Variants in SEMA6A observed in about 807,000 individuals in gnomAD.
The protein encoded by SEMA6A is semaphorin 6A.
A neutral mutation model predicts 96.8 loss-of-function variants in SEMA6A; 25 were observed. That is an observed-to-expected ratio of 0.26 (90% CI 0.19 to 0.36). The LOEUF is 0.36. Among genes scored for constraint, SEMA6A ranks in the 10% least tolerant of loss-of-function variants. The pLI is 1.00. For synonymous variants in SEMA6A, 612 were observed against 518.0 expected, an observed-to-expected ratio of 1.18 and a Z score of -2.46; for missense variants, 1,363 against 1,323.1, an observed-to-expected ratio of 1.03 and a Z score of -0.47.
chr5:116,473,038 C>T, intron 17 of SEMA6A, 35 bp downstream of exon 17: 1 of 1,577,560 alleles, frequency 6.3e-7, no homozygotes, highest in Non-Finnish European at 8.6e-7. Flanking sequence ...TAGGTTTCCA[C>T]CAGTATGGAA....
chr5:116,524,777 C>CACACACACAG (rs1759135529), intron 1 of SEMA6A, among the ~76,000 whole-genome samples: 1 of 148,406 alleles, frequency 6.7e-6, no homozygotes, highest in African/African-American at 2.6e-5. Flanking sequence ...TGTATACACA[C>CACACACACAG]ACACACACAC....
At chr5:116,545,332 G>T (rs1301276698) in intron 1 of SEMA6A, among the ~76,000 whole-genome samples, 1 of 152,172 alleles carries the variant, frequency 6.6e-6, no homozygotes, top group Non-Finnish European at 1.5e-5. Flanking sequence ...CACTTTGGGA[G>T]GCTGAGGTGG....
chr5:116,511,441 C>G (rs1255393003), intron 1 of SEMA6A, among the ~76,000 whole-genome samples: 5 of 152,084 alleles, frequency 3.3e-5, no homozygotes, highest in Non-Finnish European at 7.3e-5. Flanking sequence ...AGACAAAACT[C>G]AAAGCCAGGT....
intron 12 of SEMA6A, among the ~76,000 whole-genome samples, chr5:116,479,189 T>C (rs190557406): frequency 3.4e-4 from 52 of 152,338 alleles, no homozygotes; most frequent in African/African-American, 1.2e-3. Flanking sequence ...GAAAGCTTTC[T>C]GAAGGATGAG....
intron 17 of SEMA6A, 154 bp downstream of exon 17, chr5:116,472,919 T>C: frequency 6.6e-7 from 1 of 1,521,150 alleles, no homozygotes; most frequent in South Asian, 1.3e-5. Flanking sequence ...CATTATCTGG[T>C]AGAGGAGTTG....
Position 116,496,264 on chromosome 5 carries a change from T to C in SEMA6A, c.329A>G (p.Lys110Arg). ...AAAATTGCCTACCTTATGTTTTCCCTTCATTCTGCATGTGTCTACATCGGC... is the reference window on the plus strand; with the variant it reads ...AAAATTGCCTACCTTATGTTTTCCCCTCATTCTGCATGTGTCTACATCGGC... ...RQADVDTCRM[K>R]GKHKDECHNF... The change falls in exon 5 of 19, where the codon AAG becomes AGG. Residue 110 changes from lysine (K) to arginine (R), a missense_variant. Coordinates refer to ENST00000343348, the MANE Select transcript of SEMA6A (RefSeq NM_020796.5). 1 of 1,613,340 alleles carries C rather than the reference T, an allele frequency of 6.2e-7. No homozygotes were observed. Among genetic ancestry groups the C allele is most frequent in the Non-Finnish European group, 8.5e-7 (1 of 1,179,684 alleles).
chr5:116,457,248 A>G (rs140582453), intron 18 of SEMA6A, among the ~76,000 whole-genome samples: 190 of 152,312 alleles, frequency 1.2e-3, no homozygotes, highest in African/African-American at 4.2e-3. Context: ...GTCCAGTGCT[A>G]TCTATTATTT....
rs1385205115 is a variant in SEMA6A, at chr5:116,467,766, C to T, written c.1730-19G>A. On this transcript the variant is annotated intron_variant, in intron 17 of 18. Transcript: ENST00000343348. Reference sequence around the variant, plus strand: ...GAATGCCCTGTTTTCATCACAAATACAGTTAGGAAAACATCACCAGAGAGA... The same window carrying T: ...GAATGCCCTGTTTTCATCACAAATATAGTTAGGAAAACATCACCAGAGAGA... 1.9e-6 allele frequency: 3 copies of T among 1,612,642 alleles called. No individual in the cohort carries two copies. The highest frequency in any genetic ancestry group is 2.2e-5 in the East Asian group (1 of 44,812).
At chr5:116,498,515 G>A (rs1028461819) in intron 3 of SEMA6A, 4 of 151,720 alleles carry the variant, frequency 2.6e-5, no homozygotes, top group Non-Finnish European at 4.4e-5. Flanking sequence ...TAAAACGAGC[G>A]GGAAGGGCAG....
At chr5:116,449,453 GC>G in intron 18 of SEMA6A, 1 of 671,404 alleles carries the variant, frequency 1.5e-6, no homozygotes, top group Non-Finnish European at 2.7e-6. Context: ...CCCTTCCCAA[GC>G]CCACAACACG....
chr5:116,510,863 T>C (rs918600498), intron 1 of SEMA6A, among the ~76,000 whole-genome samples: 3 of 152,174 alleles, frequency 2.0e-5, no homozygotes, highest in Admixed American at 6.5e-5. Context: ...CAAAGAAATA[T>C]AATGATGTGG....
At chr5:116,516,347 C>T (rs1758667138) in intron 1 of SEMA6A, among the ~76,000 whole-genome samples, 9 of 152,112 alleles carry the variant, frequency 5.9e-5, no homozygotes, top group Admixed American at 4.6e-4. Context: ...AGAATTATAT[C>T]TTGAATTTCT....
At chr5:116,498,569 G>A (rs1214901664) in intron 3 of SEMA6A, 18 of 151,912 alleles carry the variant, frequency 1.2e-4, no homozygotes, top group African/African-American at 4.1e-4. Flanking sequence ...AGTGTGCATG[G>A]GGGGAGGGGG....
chr5:116,456,751 G>C (rs1344255060), intron 18 of SEMA6A, among the ~76,000 whole-genome samples: 1 of 152,172 alleles, frequency 6.6e-6, no homozygotes. Context: ...CTCAAGTGCA[G>C]AAGAAGCAGA....
chr5:116,545,604 G>A lies in SEMA6A; in HGVS notation c.-39+28581C>T, dbSNP rs184997009. On this transcript the variant is annotated intron_variant, in intron 1 of 18. Transcript: ENST00000343348. ...AATTGCTTCCCTCCTTTGTTCAGGTGTGCTCTGGCCGTGTTCCATCTGCGA... is the reference window on the plus strand; with the variant it reads ...AATTGCTTCCCTCCTTTGTTCAGGTATGCTCTGGCCGTGTTCCATCTGCGA... Among the ~76,000 whole-genome samples the A allele has an allele frequency of 2.4e-4, 37 of 152,268 alleles. No homozygotes were observed. The East Asian group carries it at 6.6e-3, about 27-fold the overall frequency.
intron 18 of SEMA6A, among the ~76,000 whole-genome samples, chr5:116,453,767 C>T (rs1021978374): frequency 1.3e-5 from 2 of 152,204 alleles, no homozygotes; most frequent in African/African-American, 2.4e-5. Context: ...AGCTAGTCTA[C>T]CTGCATTTAT....
rs766510756 is a variant in SEMA6A, at chr5:116,446,745, G to A, written c.2961C>T (p.Pro987=). The change falls in exon 19 of 19, where the codon CCC becomes CCT. Residue 987 remains proline, a synonymous_variant. Transcript: ENST00000343348. Reference sequence around the variant, plus strand: ...TCAGTGAGTTGTAGGCGTTGAGGCTGGGCTGCCTCGAGACAGTCACGGCCT... The same window carrying A: ...TCAGTGAGTTGTAGGCGTTGAGGCTAGGCTGCCTCGAGACAGTCACGGCCT... The part of the protein sequence containing the change: ...SGQAVTVSRQ[P]SLNAYNSLTR... The A allele has an allele frequency of 4.1e-5, 66 of 1,606,660 alleles. No individual in the cohort carries two copies. Among genetic ancestry groups the A allele is most frequent in the Admixed American group, 2.6e-4 (15 of 58,714 alleles).
intron 7 of SEMA6A, among the ~76,000 whole-genome samples, chr5:116,489,961 T>C (rs1757253549): frequency 6.6e-6 from 1 of 152,228 alleles, no homozygotes. Context: ...ATTGCAGATA[T>C]TCATTAGTTG....
intron 2 of SEMA6A, among the ~76,000 whole-genome samples, chr5:116,503,807 G>A (rs1181035933): frequency 2.6e-5 from 4 of 151,984 alleles, no homozygotes; most frequent in Non-Finnish European, 4.4e-5. Flanking sequence ...AAGCCACCGC[G>A]CCCTGCCCTG....
Sources: allele counts gnomAD v4.1 joint callset (sites outside exome capture counted in the v4.1 genomes callset), GRCh38; gene constraint gnomAD v4.1.1; transcripts MANE v1.5; gene names NCBI Gene and HGNC (gene_info 2026-07-23, HGNC 2026-07-21).